The following NRG3 variants were observed in gnomAD, a reference collection of about 807,000 sequenced individuals.
NRG3 encodes the protein pro-neuregulin-3, membrane-bound isoform.
A neutral mutation model predicts 66.9 loss-of-function variants in NRG3; 31 were observed. The ratio of observed to expected loss-of-function variants is 0.46; its 90% CI spans 0.35 to 0.63. NRG3 has a LOEUF of 0.63. Ranked by LOEUF, NRG3 falls within the 20% of genes least tolerant of loss-of-function variation. NRG3 has a pLI of 0.00. For missense variants in NRG3, 910 were observed against 878.9 expected, an observed-to-expected ratio of 1.04 and a Z score of -0.45; for synonymous variants, 393 against 359.4, an observed-to-expected ratio of 1.09 and a Z score of -1.06.
chr10:82,328,758 T>C (rs1451591797), intron 1 of NRG3, among the ~76,000 whole-genome samples: 2 of 152,156 alleles, frequency 1.3e-5, no homozygotes, highest in African/African-American at 4.8e-5. Flanking sequence ...TAAAACCATT[T>C]AAATAAATGA....
At chr10:82,888,126 T>G (rs924665740) in intron 4 of NRG3, among the ~76,000 whole-genome samples, 36 of 152,300 alleles carry the variant, frequency 2.4e-4, no homozygotes, top group Admixed American at 1.3e-3. Flanking sequence ...CTTGTCTAAA[T>G]GGAGCCAGAT....
chr10:82,526,849 A>G (rs1846752895), intron 2 of NRG3, among the ~76,000 whole-genome samples: 2 of 152,090 alleles, frequency 1.3e-5, no homozygotes, highest in South Asian at 4.1e-4. Flanking sequence ...AACAACTGAA[A>G]AACACAAATT....
chr10:82,726,555 C>G (rs1031656585), intron 2 of NRG3, among the ~76,000 whole-genome samples: 1 of 152,140 alleles, frequency 6.6e-6, no homozygotes, highest in Admixed American at 6.5e-5. Flanking sequence ...CTTGCTCCTC[C>G]TTGCCTTCTG....
intron 1 of NRG3, among the ~76,000 whole-genome samples, chr10:82,163,177 A>G (rs1011673756): frequency 5.3e-5 from 8 of 152,122 alleles, no homozygotes; most frequent in Non-Finnish European, 1.2e-4. Flanking sequence ...GCTCTTTCAT[A>G]TTAATCTCTC....
At chr10:82,661,119 G>T (rs1156493038) in intron 2 of NRG3, among the ~76,000 whole-genome samples, 3 of 152,118 alleles carry the variant, frequency 2.0e-5, no homozygotes, top group Non-Finnish European at 4.4e-5. Flanking sequence ...ATTGCTGAAG[G>T]TTCTTACTTA....
At chr10:82,044,964 C>T (rs900694440) in intron 1 of NRG3, among the ~76,000 whole-genome samples, 8 of 151,748 alleles carry the variant, frequency 5.3e-5, no homozygotes, top group Admixed American at 2.0e-4. Flanking sequence ...TCAAGTCTAT[C>T]ATTGTTGGAC....
At chr10:81,937,373 C>T (rs1293325703) in intron 1 of NRG3, among the ~76,000 whole-genome samples, 4 of 152,002 alleles carry the variant, frequency 2.6e-5, no homozygotes, top group African/African-American at 9.7e-5. Flanking sequence ...GCAGCTACAC[C>T]ATTTTACATT....
chr10:82,802,995 A>C (rs1480158265), intron 3 of NRG3, among the ~76,000 whole-genome samples: 1 of 152,000 alleles, frequency 6.6e-6, no homozygotes, highest in Non-Finnish European at 1.5e-5. Context: ...TTATTTTGTG[A>C]TTGTGTTGAA....
At chr10:82,613,844 C>G (rs1187852192) in intron 2 of NRG3, among the ~76,000 whole-genome samples, 1 of 112,628 alleles carries the variant, frequency 8.9e-6, no homozygotes, top group African/African-American at 3.4e-5. Context: ...CCCCTCCCCC[C>G]ACCCCACAAC....
At chr10:82,182,394 A>G (rs182503246) in intron 1 of NRG3, among the ~76,000 whole-genome samples, 2 of 151,460 alleles carry the variant, frequency 1.3e-5, no homozygotes, top group East Asian at 3.9e-4. Context: ...TTTCTTTCTC[A>G]TTTATCTTCT....
chr10:82,321,317 G>A (rs1191077875), intron 1 of NRG3, among the ~76,000 whole-genome samples: 1 of 149,890 alleles, frequency 6.7e-6, no homozygotes, highest in South Asian at 2.1e-4. Context: ...TGGGGGTCAG[G>A]GAACTCTCCT....
chr10:82,053,990 C>A (rs1589931230), intron 1 of NRG3, among the ~76,000 whole-genome samples: 1 of 152,072 alleles, frequency 6.6e-6, no homozygotes, highest in South Asian at 2.1e-4. Context: ...TGGTGGCTAA[C>A]CTATTAGGAG....
chr10:82,306,150 T>C (rs891156943), intron 1 of NRG3, among the ~76,000 whole-genome samples: 2 of 152,212 alleles, frequency 1.3e-5, no homozygotes, highest in Non-Finnish European at 2.9e-5. Flanking sequence ...TATAAATAGA[T>C]CTTTGATTAT....
rs184206308 is a variant in NRG3 at position 82,839,570 on chromosome 10, A to C, written c.1028-25841A>C. Reference sequence around the variant, plus strand: ...TTTTAATCTACTATGTATATGTATAAAAATATAGATATTATTGAGTAATAT... The same window carrying C: ...TTTTAATCTACTATGTATATGTATACAAATATAGATATTATTGAGTAATAT... On this transcript the variant is annotated intron_variant, in intron 3 of 8. Coordinates refer to ENST00000372141, the MANE Select transcript of NRG3 (RefSeq NM_001010848.4). Among the ~76,000 whole-genome samples the C allele has an allele frequency of 1.3e-3, 194 of 151,674 alleles. 3 individuals are homozygous for C. Among genetic ancestry groups the C allele is most frequent in the East Asian group, 0.013 (65 of 5,174 alleles).
At chr10:82,652,164 G>A (rs2051466745) in intron 2 of NRG3, among the ~76,000 whole-genome samples, 1 of 152,182 alleles carries the variant, frequency 6.6e-6, no homozygotes, top group African/African-American at 2.4e-5. Context: ...GGTGCCAGCA[G>A]GAGTGAACTC....
intron 1 of NRG3, among the ~76,000 whole-genome samples, chr10:82,199,149 G>A (rs11192957): frequency 0.088 from 12,993 of 146,890 alleles, 678 homozygotes; most frequent in African/African-American, 0.14. Flanking sequence ...TCCAGCTTGG[G>A]TGACAGAGTG....
chr10:82,248,339 C>T (rs2077339414), intron 1 of NRG3, among the ~76,000 whole-genome samples: 2 of 152,150 alleles, frequency 1.3e-5, no homozygotes, highest in South Asian at 4.1e-4. Flanking sequence ...TTCCCAGTCC[C>T]TGTGTGTAAA....
rs368420632 is a variant in NRG3, at chr10:81,897,814, G to A, written c.823+21651G>A. On this transcript the variant is annotated intron_variant, in intron 1 of 8. Transcript: ENST00000372141. ...ACCCACATCAGCACTGAAAACCAGT[G>A]ATGGGATTATGCACACCATATAGAC... is the stretch of plus-strand genomic sequence containing the variant. 9.8e-5 allele frequency among the ~76,000 whole-genome samples: 15 copies of A among 152,312 alleles called. No individual in the cohort carries two copies. In the East Asian group the frequency reaches 1.4e-3, roughly 14 times the overall value.
Position 81,902,980 on chromosome 10 carries a change from G to C in NRG3, c.823+26817G>C, listed in dbSNP as rs141324028. On this transcript the variant is annotated intron_variant, in intron 1 of 8. Coordinates refer to ENST00000372141, the MANE Select transcript of NRG3 (RefSeq NM_001010848.4). ...TTCTCAGTACAGTTTGATGGGACAG[G>C]TACTATTATCTCCATTTCACTGAAA... Among the ~76,000 whole-genome samples, 4 of 152,050 alleles carry C rather than the reference G, an allele frequency of 2.6e-5. No homozygotes were observed. The East Asian group carries it at 7.7e-4, about 29-fold the overall frequency.
Sources: gnomAD v4.1 joint callset for allele counts (sites outside exome capture counted in the v4.1 genomes callset) on GRCh38, gnomAD v4.1.1 for gene constraint, MANE v1.5 for transcripts, NCBI Gene and HGNC (gene_info 2026-07-23, HGNC 2026-07-21) for gene names.